Variants in PPARA observed in about 807,000 individuals in gnomAD.
The protein encoded by PPARA is peroxisome proliferator activated receptor alpha, also known as peroxisome proliferator-activated receptor alpha.
A neutral mutation model predicts 42.2 loss-of-function variants in PPARA; 22 were observed. The observed-to-expected ratio is 0.52, with a 90% CI of 0.37 to 0.74. The LOEUF (loss-of-function observed/expected upper bound fraction) is 0.74. Among genes scored for constraint, PPARA ranks in the 30% least tolerant of loss-of-function variants. The pLI is 0.00. For synonymous variants in PPARA, 242 were observed against 239.3 expected, an observed-to-expected ratio of 1.01 and a Z score of -0.10; for missense variants, 465 against 608.2, an observed-to-expected ratio of 0.76 and a Z score of 2.48.
rs969192554 is a variant in PPARA, at chr22:46,180,420, G to A, written c.-43+3584G>A. ...ACTCCCCCACTGAAGTTAGAGTTAA[G>A]AAAGAATATTAATTTTCCTTGTGTG... On this transcript the variant is annotated intron_variant, in intron 3 of 8. Coordinates refer to ENST00000407236, the MANE Select transcript of PPARA (RefSeq NM_005036.6). The surrounding 1 kb of genome is among the most constrained non-coding windows in gnomAD (Gnocchi z 4.2). 6.6e-6 allele frequency among the ~76,000 whole-genome samples: 1 copy of A among 152,154 alleles called. No homozygotes were observed. Among genetic ancestry groups the A allele is most frequent in the African/African-American group, 2.4e-5 (1 of 41,430 alleles).
At chr22:46,181,872 A>G (rs1423797929) in intron 3 of PPARA, among the ~76,000 whole-genome samples, 28 of 152,196 alleles carry the variant, frequency 1.8e-4, no homozygotes, top group Non-Finnish European at 2.9e-5. Flanking sequence ...CCTTCACCAG[A>G]CACCTCAGGT....
At chr22:46,223,643 A>G (rs1775085770) in intron 7 of PPARA, among the ~76,000 whole-genome samples, 1 of 76,506 alleles carries the variant, frequency 1.3e-5, no homozygotes, top group South Asian at 3.2e-4. Context: ...ACTCCATCTC[A>G]AAAAAAAAAA....
At chr22:46,159,474 T>C (rs1283071932) in intron 2 of PPARA, among the ~76,000 whole-genome samples, 1 of 152,144 alleles carries the variant, frequency 6.6e-6, no homozygotes, top group Non-Finnish European at 1.5e-5. Flanking sequence ...CAAGGGAGGT[T>C]GGGCTTCCCA....
rs1931164569 is a variant in PPARA, at chr22:46,188,823, G to T, written c.-42-9519G>T. The T allele has an allele frequency of 6.6e-6, 1 of 152,154 alleles. No homozygotes were observed. Among genetic ancestry groups the T allele is most frequent in the Middle Eastern group, 3.2e-3 (1 of 316 alleles). 9.4% of individuals were successfully genotyped at this position (152,154 alleles called of 1,614,324 possible). ...GCGTTAAGCACAGTCATTAGCTCAG[G>T]TGCGTACTCATGTGTTCCACGAGTT... On this transcript the variant is annotated intron_variant, in intron 3 of 8. Transcript: ENST00000407236. This position sits in a 1 kb window ranked among gnomAD's most constrained non-coding sequence, Gnocchi z 5.0.
Position 46,227,412 on chromosome 22 carries a change from C to G in PPARA, c.712-4380C>G, listed in dbSNP as rs1270241642. Among the ~76,000 whole-genome samples, 1 of 152,160 alleles carries G rather than the reference C, an allele frequency of 6.6e-6. No individual in the cohort carries two copies. The highest frequency in any genetic ancestry group is 1.5e-5 in the Non-Finnish European group (1 of 68,038). On this transcript the variant is annotated intron_variant, in intron 7 of 8. Coordinates refer to ENST00000407236, the MANE Select transcript of PPARA (RefSeq NM_005036.6). The surrounding 1 kb of genome is among the most constrained non-coding windows in gnomAD (Gnocchi z 4.3). ...GATTACAGGTGCCAGCCACCACACC[C>G]GACTAATTTTTGTATTTTTAGTAGA...
intron 2 of PPARA, among the ~76,000 whole-genome samples, chr22:46,153,915 ATG>A (rs1256685197): frequency 6.6e-6 from 1 of 152,148 alleles, no homozygotes; most frequent in Non-Finnish European, 1.5e-5. Context: ...GAAGGAGAAA[ATG>A]TGTCTTCTTT....
chr22:46,174,266 G>GAAAGGAAGGAAGGAAGGAAGA (rs1555935221), intron 2 of PPARA, among the ~76,000 whole-genome samples: 1 of 64,760 alleles, frequency 1.5e-5, no homozygotes, highest in African/African-American at 5.9e-5. Context: ...AGGAAGGAAG[G>GAAAGGAAGGAAGGAAGGAAGA]AAGGAAGGAA....
intron 4 of PPARA, among the ~76,000 whole-genome samples, chr22:46,214,229 G>T (rs1488941778): frequency 2.0e-5 from 3 of 152,202 alleles, no homozygotes; most frequent in African/African-American, 7.2e-5. Flanking sequence ...AGGTATGGGC[G>T]GTATGGCAAG....
chr22:46,164,904 T>C (rs958968215), intron 2 of PPARA: 1 of 152,258 alleles, frequency 6.6e-6, no homozygotes, highest in African/African-American at 2.4e-5. Context: ...ATTACTTCTT[T>C]GTAGCTATGG....
In PPARA at chr22:46,239,554, A is replaced by C. The variant is rs1936314324; in HGVS notation, c.*4174A>C. ...AAGGGAGCCTTGAAGATACGTGCAAAAGGTGCTACCCCAATTTGGTGAAAC... is the reference window on the plus strand; with the variant it reads ...AAGGGAGCCTTGAAGATACGTGCAACAGGTGCTACCCCAATTTGGTGAAAC... On this transcript the variant is annotated 3_prime_UTR_variant, in exon 9 of 9. Coordinates refer to ENST00000407236, the MANE Select transcript of PPARA (RefSeq NM_005036.6). 1 of 148,450 alleles carries C rather than the reference A, an allele frequency of 6.7e-6. No individual in the cohort carries two copies. Among genetic ancestry groups the C allele is most frequent in the African/African-American group, 2.5e-5 (1 of 40,020 alleles). 9.2% of individuals were successfully genotyped at this position (148,450 alleles called of 1,614,324 possible). A position where few individuals can be genotyped will look rare whatever the true frequency, so the allele number is the denominator to read the frequency against.
rs1444323985 is a variant in PPARA at position 46,191,892 on chromosome 22, C to T, written c.-42-6450C>T. 1.3e-5 allele frequency among the ~76,000 whole-genome samples: 2 copies of T among 152,202 alleles called. No individual in the cohort carries two copies. Among genetic ancestry groups the T allele is most frequent in the Admixed American group, 6.5e-5 (1 of 15,280 alleles). On this transcript the variant is annotated intron_variant, in intron 3 of 8. Transcript: ENST00000407236. This position sits in a 1 kb window ranked among gnomAD's most constrained non-coding sequence, Gnocchi z 4.6. ...ACCATCCTGGCCAACATGGTGAAAC[C>T]TTGTCTCTACTAAAAATACAAAAGT...
In PPARA at chr22:46,233,711, T is replaced by A. The variant is rs940449218; in HGVS notation, c.1160-1422T>A. 6.6e-6 allele frequency among the ~76,000 whole-genome samples: 1 copy of A among 152,244 alleles called. No homozygotes were observed. Among genetic ancestry groups the A allele is most frequent in the African/African-American group, 2.4e-5 (1 of 41,462 alleles). On this transcript the variant is annotated intron_variant, in intron 8 of 8. Transcript: ENST00000407236. The surrounding 1 kb of genome is among the most constrained non-coding windows in gnomAD (Gnocchi z 7.3). Reference sequence around the variant, plus strand: ...ATGATCACAGTTTTATAAAGGAAATTATAATCCTATATCAATCCTATGTAT... The same window carrying A: ...ATGATCACAGTTTTATAAAGGAAATAATAATCCTATATCAATCCTATGTAT...
rs1311333175 is a variant in PPARA at position 46,216,505 on chromosome 22, G to A, written c.369+1172G>A. Among the ~76,000 whole-genome samples the A allele has an allele frequency of 1.3e-5, 2 of 152,216 alleles. No homozygotes were observed. Among genetic ancestry groups the A allele is most frequent in the African/African-American group, 4.8e-5 (2 of 41,446 alleles). ...CCTCCCTGAAGGCCAGGTGGGGCAGGTGTTCTCATGCTCCTGCCAGGGAAA... is the reference window on the plus strand; with the variant it reads ...CCTCCCTGAAGGCCAGGTGGGGCAGATGTTCTCATGCTCCTGCCAGGGAAA... On this transcript the variant is annotated intron_variant, in intron 5 of 8. Transcript: ENST00000407236. The surrounding 1 kb of genome is among the most constrained non-coding windows in gnomAD (Gnocchi z 4.5).
chr22:46,164,844 A>G (rs1432062758), intron 2 of PPARA: 1 of 152,188 alleles, frequency 6.6e-6, no homozygotes, highest in Admixed American at 6.5e-5. Flanking sequence ...GTAGAAATGT[A>G]ATTGTTTTCC....
At chr22:46,213,181 G>C (rs571723189) in intron 4 of PPARA, among the ~76,000 whole-genome samples, 45 of 152,114 alleles carry the variant, frequency 3.0e-4, no homozygotes, top group Non-Finnish European at 5.7e-4. Flanking sequence ...AGCAATGAAT[G>C]GGGGTTCCTG....
Position 46,204,320 on chromosome 22 carries a change from T to C in PPARA, c.208+5729T>C, listed in dbSNP as rs368396293. Among the ~76,000 whole-genome samples, 10 of 152,352 alleles carry C rather than the reference T, an allele frequency of 6.6e-5. No individual in the cohort carries two copies. Among genetic ancestry groups the C allele is most frequent in the African/African-American group, 2.4e-4 (10 of 41,584 alleles). On this transcript the variant is annotated intron_variant, in intron 4 of 8. Coordinates refer to ENST00000407236, the MANE Select transcript of PPARA (RefSeq NM_005036.6). The surrounding 1 kb of genome is among the most constrained non-coding windows in gnomAD (Gnocchi z 5.2). ...TGCTATGAACATTCACGTACAAGTC[T>C]CTGTACAACCCTCTGCTTTCATTTC...
intron 3 of PPARA, among the ~76,000 whole-genome samples, chr22:46,177,041 T>C (rs921093038): frequency 6.6e-6 from 1 of 152,052 alleles, no homozygotes. Context: ...AAACCCTGTC[T>C]CTACTACAAA....
Position 46,215,352 on chromosome 22 carries a change from AG to A in PPARA, c.369+22del. On this transcript the variant is annotated intron_variant, in intron 5 of 8. Coordinates refer to ENST00000407236, the MANE Select transcript of PPARA (RefSeq NM_005036.6). ...CTGCAAGGTAGAGGGGAGCTGGAAC[AG>A]GGCCTGGTGGCCGCCACCATCAACT... 1.1e-5 allele frequency: 18 copies of A among 1,614,082 alleles called. No individual in the cohort carries two copies. The highest frequency in any genetic ancestry group is 1.5e-5 in the Non-Finnish European group (18 of 1,179,978).
In PPARA at chr22:46,165,296, C is replaced by A. The variant is rs1458602844; in HGVS notation, c.-126-11457C>A. 6.6e-6 allele frequency: 1 copy of A among 152,330 alleles called. No homozygotes were observed. The highest frequency in any genetic ancestry group is 1.5e-5 in the Non-Finnish European group (1 of 68,122). The allele number at this position is 152,330 out of a possible 1,614,324, so 9.4% of individuals were successfully genotyped here. ...GGTGATCCGCCTGCCCTTGGCCTCC[C>A]AAAGTGCTGGGATTACAGGTGTGAG... On this transcript the variant is annotated intron_variant, in intron 2 of 8. Transcript: ENST00000407236. This position sits in a 1 kb window ranked among gnomAD's most constrained non-coding sequence, Gnocchi z 5.5.
Sources: allele counts gnomAD v4.1 joint callset (sites outside exome capture counted in the v4.1 genomes callset), GRCh38; gene constraint gnomAD v4.1.1; non-coding constraint Gnocchi (gnomAD v3.1); transcripts MANE v1.5; gene names NCBI Gene and HGNC (gene_info 2026-07-23, HGNC 2026-07-21).